The following CAGE1 variants were observed in gnomAD, a reference collection of about 807,000 sequenced individuals.
CAGE1 encodes cancer-associated gene 1 protein.
In CAGE1, 66 loss-of-function variants were observed where a neutral mutation model predicts 94.9. The ratio of observed to expected loss-of-function variants is 0.70; its 90% CI spans 0.57 to 0.85. The LOEUF is 0.85. Among genes scored for constraint, CAGE1 ranks in the 40% least tolerant of loss-of-function variants. The probability of loss-of-function intolerance (pLI) is 0.00; values close to 1 mark genes in which losing one functional copy is unlikely to be tolerated. For synonymous variants in CAGE1, 319 were observed against 321.0 expected (o/e 0.99, Z 0.07); for missense variants, 865 against 950.4 (o/e 0.91, Z 1.18).
chr6:7,369,645 G>A (rs937340719), intron 6 of CAGE1, among the ~76,000 whole-genome samples: 2 of 152,168 alleles, frequency 1.3e-5, no homozygotes, highest in Admixed American at 6.5e-5. Context: ...GGAGGGCATC[G>A]CTGAAACGTG....
intron 11 of CAGE1, among the ~76,000 whole-genome samples, chr6:7,340,261 G>A (rs1349840522): frequency 6.6e-6 from 1 of 152,050 alleles, no homozygotes; most frequent in Non-Finnish European, 1.5e-5. Context: ...ACTTTTTGAT[G>A]GGATTGTTTT....
intron 4 of CAGE1, among the ~76,000 whole-genome samples, chr6:7,375,812 T>C (rs1760721878): frequency 6.6e-6 from 1 of 152,258 alleles, no homozygotes; most frequent in African/African-American, 2.4e-5. Context: ...TTCTGTATTT[T>C]GTTTTTTGAG....
At chr6:7,358,685 A>T (rs549124977) in intron 9 of CAGE1, among the ~76,000 whole-genome samples, 18 of 152,130 alleles carry the variant, frequency 1.2e-4, no homozygotes, top group Middle Eastern at 3.4e-3. Flanking sequence ...TACAAAAAAA[A>T]TTTTTTTTAA....
Position 7,387,076 on chromosome 6 carries a change from GA to G in CAGE1, c.97del (p.Ser33ArgfsTer4). 1 of 1,551,412 alleles carries G rather than the reference GA, an allele frequency of 6.4e-7. No individual in the cohort carries two copies. The highest frequency in any genetic ancestry group is 8.7e-7 in the Non-Finnish European group (1 of 1,146,692). ...SHEKVESMSE[S>X]DTMNVSNLSQ... The stretch of plus-strand genomic sequence containing the variant: ...AAGATTGCTGACATTCATGGTATCC[GA>G]TTCTGACATGCTTTCTACTTTTTCA... On this transcript the variant is annotated frameshift_variant, in exon 2 of 14. Transcript: ENST00000502583. LOFTEE classifies it high-confidence loss of function.
intron 2 of CAGE1, among the ~76,000 whole-genome samples, chr6:7,386,661 C>T (rs932033143): frequency 3.3e-5 from 5 of 152,064 alleles, no homozygotes; most frequent in African/African-American, 1.2e-4. Flanking sequence ...ATCTTGGCTC[C>T]CTGTAACCTC....
chr6:7,341,317 CA>C, intron 11 of CAGE1: 2 of 684,384 alleles, frequency 2.9e-6, no homozygotes, highest in Admixed American at 1.9e-5. Context: ...CCAGAGATGC[CA>C]AAATCCTTAC....
At chr6:7,341,108 T>A in intron 11 of CAGE1, 1 of 547,546 alleles carries the variant, frequency 1.8e-6, no homozygotes. Context: ...GCCTTTAGCT[T>A]GGCAGTGATG....
chr6:7,378,629 G>A lies in CAGE1; in HGVS notation c.675C>T (p.Ser225=). The A allele has an allele frequency of 6.3e-7, 1 of 1,584,920 alleles. No homozygotes were observed. The highest frequency in any genetic ancestry group is 1.2e-5 in the South Asian group (1 of 85,544). ...ESALNPSQPP[S]FLCKTAVPSK... is the part of the protein sequence containing the mutation. The stretch of plus-strand genomic sequence containing the variant: ...TGTGTACACTTTCCTTACATAAGAA[G>A]CTTGGAGGTTGGCTAGGGTTGAGGG... Residue 225 remains serine (S), a synonymous_variant, in exon 4 of 14, where the codon AGC becomes AGT. Transcript: ENST00000502583.
chr6:7,366,071 C>A (rs1174133495), intron 7 of CAGE1, among the ~76,000 whole-genome samples, 187 bp from the exon 8 acceptor site: 4 of 151,786 alleles, frequency 2.6e-5, no homozygotes, highest in Admixed American at 6.6e-5. Context: ...TATGGTGAAA[C>A]CCTGTCTCTC....
chr6:7,342,175 TG>T lies in CAGE1; in HGVS notation c.2370-8086del, dbSNP rs1245113985. ...AACTGGATCAGGCTGCCTGGACAGT[TG>T]GGCCCCCTGCCCATATCTGACATCA... On this transcript the variant is annotated intron_variant, in intron 11 of 13. Transcript: ENST00000502583. 4.9e-6 allele frequency: 5 copies of T among 1,010,382 alleles called. No individual in the cohort carries two copies. The African/African-American group carries it at 7.9e-5, about 16-fold the overall frequency. The allele number at this position is 1,010,382 out of a possible 1,614,324, so 62.6% of individuals were successfully genotyped here.
rs140670954 is a variant in CAGE1, at chr6:7,377,140, T to G, written c.687+1477A>C. The stretch of plus-strand genomic sequence containing the variant: ...CTCCTCTAGTAGGATGCTGTCTTCA[T>G]GAGGACAAGAACTACATCTTTTTGT... On this transcript the variant is annotated intron_variant, in intron 4 of 13. Transcript: ENST00000502583. Among the ~76,000 whole-genome samples the G allele has an allele frequency of 3.0e-3, 451 of 152,310 alleles. 3 individuals carry two copies. The highest frequency in any genetic ancestry group is 0.01 in the African/African-American group (428 of 41,576).
At chr6:7,369,098 C>A (rs1387154977) in intron 6 of CAGE1, among the ~76,000 whole-genome samples, 1 of 151,786 alleles carries the variant, frequency 6.6e-6, no homozygotes, top group Non-Finnish European at 1.5e-5. Flanking sequence ...AACCTCTCCC[C>A]CCAGGTTCAA....
intron 5 of CAGE1, 52 bp downstream of exon 5, chr6:7,373,021 C>T (rs1760597576): frequency 7.7e-7 from 1 of 1,293,198 alleles, no homozygotes; most frequent in Non-Finnish European, 1.1e-6. Context: ...ATCACTAGAC[C>T]ACTAGAAACT....
intron 11 of CAGE1, among the ~76,000 whole-genome samples, chr6:7,352,363 A>C (rs1398876124): frequency 6.6e-6 from 1 of 151,842 alleles, no homozygotes. Context: ...CTACAGGGAA[A>C]ACTACAAAAC....
chr6:7,334,143 A>G, intron 11 of CAGE1, 53 bp from the exon 12 acceptor site: 2 of 1,113,578 alleles, frequency 1.8e-6, no homozygotes, highest in Non-Finnish European at 1.3e-6. Flanking sequence ...TTCTAGACCA[A>G]TATTTTGTTA....
intron 8 of CAGE1, 44 bp from the exon 9 acceptor site, chr6:7,365,619 T>A: frequency 6.4e-7 from 1 of 1,564,134 alleles, no homozygotes; most frequent in Non-Finnish European, 8.7e-7. Flanking sequence ...CATTTCATAC[T>A]CCTTGGAATA....
At chr6:7,389,107 G>A (rs887602446) in intron 1 of CAGE1, 95 bp downstream of exon 1, 2 of 360,046 alleles carry the variant, frequency 5.6e-6, no homozygotes, top group Non-Finnish European at 5.6e-6. Context: ...TTCTAAAGCT[G>A]TTTTAAGATA....
rs1229763309 is a variant in CAGE1, at chr6:7,389,303, T to C, written c.-125A>G. 8.8e-6 allele frequency: 4 copies of C among 456,302 alleles called. No individual in the cohort carries two copies. Among genetic ancestry groups the C allele is most frequent in the East Asian group, 6.9e-5 (1 of 14,396 alleles). 28.3% of individuals were successfully genotyped at this position (456,302 alleles called of 1,614,324 possible). A position where few individuals can be genotyped will look rare whatever the true frequency, so the allele number is the denominator to read the frequency against. On this transcript the variant is annotated 5_prime_UTR_variant, in exon 1 of 14. Coordinates refer to ENST00000502583, the MANE Select transcript of CAGE1 (RefSeq NM_001170692.2). ...CTCACTTCCAGGATCCATAGTTTCT[T>C]GGACCCACGCTACGGACCTGGCTCT...
intron 7 of CAGE1, among the ~76,000 whole-genome samples, chr6:7,367,757 A>G (rs1243907404): frequency 6.6e-6 from 1 of 152,246 alleles, no homozygotes; most frequent in Non-Finnish European, 1.5e-5. Context: ...TAAGTGTTAC[A>G]GAATGAATTT....
Sources: allele counts gnomAD v4.1 joint callset (sites outside exome capture counted in the v4.1 genomes callset), GRCh38; gene constraint gnomAD v4.1.1; transcripts MANE v1.5; gene names NCBI Gene and HGNC (gene_info 2026-07-23, HGNC 2026-07-21).